TBC1D32: variants seen among roughly 807,000 people sequenced by gnomAD.
TBC1D32 encodes the protein TBC1 domain family member 32.
A neutral mutation model predicts 170.3 loss-of-function variants in TBC1D32; 151 were observed. The ratio of observed to expected loss-of-function variants is 0.89; its 90% CI spans 0.78 to 1.01. The LOEUF (loss-of-function observed/expected upper bound fraction) is 1.01. Among genes scored for constraint, TBC1D32 ranks in the 50% least tolerant of loss-of-function variants. The pLI is 0.00. For synonymous variants in TBC1D32, 498 were observed against 488.0 expected, an observed-to-expected ratio of 1.02 and a Z score of -0.27; for missense variants, 1,464 against 1,457.1, an observed-to-expected ratio of 1.00 and a Z score of -0.08.
chr6:121,176,256 C>G (rs571084102), intron 22 of TBC1D32, among the ~76,000 whole-genome samples: 1 of 152,026 alleles, frequency 6.6e-6, no homozygotes, highest in African/African-American at 2.4e-5. Flanking sequence ...TTAGGAAAGA[C>G]CTAAAAGTAG....
At chr6:121,273,223 C>T (rs959846331) in intron 15 of TBC1D32, among the ~76,000 whole-genome samples, 23 of 150,806 alleles carry the variant, frequency 1.5e-4, no homozygotes, top group African/African-American at 4.6e-4. Context: ...CAAACTTGCA[C>T]GTTCTGCACA....
At chr6:121,152,237 T>G (rs773566389) in intron 24 of TBC1D32, among the ~76,000 whole-genome samples, 1 of 152,182 alleles carries the variant, frequency 6.6e-6, no homozygotes, top group Non-Finnish European at 1.5e-5. Context: ...CTGTAAAGGA[T>G]TTTATTCTTT....
intron 22 of TBC1D32, among the ~76,000 whole-genome samples, chr6:121,188,374 AAG>A (rs1357487158): frequency 1.3e-5 from 2 of 152,168 alleles, no homozygotes; most frequent in Non-Finnish European, 2.9e-5. Context: ...TTTTAGGAAA[AAG>A]GATACATAGT....
rs751967566 is a variant in TBC1D32, at chr6:121,170,463, A to C, written c.2571-9407T>G. 3.1e-6 allele frequency: 5 copies of C among 1,608,446 alleles called. No individual in the cohort carries two copies. In the South Asian group the frequency reaches 5.5e-5, roughly 18 times the overall value. Reference sequence around the variant, plus strand: ...TCTTGAGCATTTAGTAACATTTCAGATACCTGATACTGAGCCTCTAACAGG... The same window carrying C: ...TCTTGAGCATTTAGTAACATTTCAGCTACCTGATACTGAGCCTCTAACAGG... On this transcript the variant is annotated intron_variant, in intron 22 of 31. Transcript: ENST00000398212.
At chr6:121,245,711 C>T (rs185814820) in intron 17 of TBC1D32, among the ~76,000 whole-genome samples, 1 of 152,168 alleles carries the variant, frequency 6.6e-6, no homozygotes, top group African/African-American at 2.4e-5. Context: ...GTGACTTCAG[C>T]CCCACGGGAG....
intron 15 of TBC1D32, among the ~76,000 whole-genome samples, chr6:121,276,938 T>C (rs144677820): frequency 6.6e-6 from 1 of 152,126 alleles, no homozygotes; most frequent in East Asian, 1.9e-4. Context: ...CAGGGAGAAA[T>C]AGATGAATTC....
chr6:121,328,901 T>G (rs1012017437), intron 1 of TBC1D32, among the ~76,000 whole-genome samples: 6 of 152,198 alleles, frequency 3.9e-5, no homozygotes, highest in Admixed American at 2.6e-4. Context: ...AAAATAAAAA[T>G]TTGGTACCAA....
chr6:121,280,779 A>G (rs192587513), intron 14 of TBC1D32, among the ~76,000 whole-genome samples: 1 of 151,988 alleles, frequency 6.6e-6, no homozygotes, highest in Admixed American at 6.6e-5. Context: ...AGCAAGCAAC[A>G]AGCAGAAAAG....
intron 17 of TBC1D32, among the ~76,000 whole-genome samples, chr6:121,249,924 A>G (rs1798078236): frequency 6.6e-6 from 1 of 152,040 alleles, no homozygotes; most frequent in South Asian, 2.1e-4. Flanking sequence ...CAATCCACAG[A>G]TTCAATGCAA....
intron 22 of TBC1D32, among the ~76,000 whole-genome samples, chr6:121,171,918 A>G (rs751420632): frequency 4.6e-5 from 7 of 152,128 alleles, no homozygotes; most frequent in Non-Finnish European, 7.4e-5. Context: ...ATCTTCCAGT[A>G]ACACTGGAAG....
chr6:121,112,588 T>C lies in TBC1D32; in HGVS notation c.3241A>G (p.Lys1081Glu). 1 of 1,611,434 alleles carries C rather than the reference T, an allele frequency of 6.2e-7. No homozygotes were observed. The highest frequency in any genetic ancestry group is 8.5e-7 in the Non-Finnish European group (1 of 1,178,378). ...TGAAGAAATTGGAATGTTTTTTCTT[T>C]GTCTCCCAACATTATCATGAACAGA... The part of the protein sequence containing the change: ...SSLFMIMLGD[K>E]EKTFQFLHQF... The change falls in exon 29 of 32, where the codon AAA becomes GAA. Residue 1081 changes from lysine to glutamate, a missense_variant. Physicochemically the swap from Lys to Glu is moderately conservative, Grantham distance 56 (BLOSUM62 1). Coordinates refer to ENST00000398212, the MANE Select transcript of TBC1D32 (RefSeq NM_152730.6).
chr6:121,080,967 G>C (rs893073102), intron 31 of TBC1D32, 77 bp from the exon 32 acceptor site: 16 of 1,526,878 alleles, frequency 1.0e-5, no homozygotes, highest in Non-Finnish European at 1.4e-5. Flanking sequence ...TTAAATAATT[G>C]ATATACCATT....
chr6:121,081,558 G>A (rs1296315444), intron 31 of TBC1D32, among the ~76,000 whole-genome samples: 1 of 152,012 alleles, frequency 6.6e-6, no homozygotes, highest in Non-Finnish European at 1.5e-5. Flanking sequence ...TATTTATAAT[G>A]TTAGGAGTTG....
intron 22 of TBC1D32, among the ~76,000 whole-genome samples, chr6:121,182,345 A>G (rs542207541): frequency 6.6e-6 from 1 of 152,132 alleles, no homozygotes; most frequent in African/African-American, 2.4e-5. Context: ...AGGGTAGGTA[A>G]TGAGAAAAAG....
chr6:121,261,842 A>C (rs2128406866), intron 15 of TBC1D32, among the ~76,000 whole-genome samples: 1 of 152,318 alleles, frequency 6.6e-6, no homozygotes, highest in Admixed American at 6.5e-5. Context: ...AATGAGGTAA[A>C]GGAGCATGTT....
chr6:121,200,952 A>C (rs1791467847), intron 22 of TBC1D32, among the ~76,000 whole-genome samples: 2 of 151,502 alleles, frequency 1.3e-5, no homozygotes, highest in African/African-American at 2.5e-5. Context: ...CAGGAAAGGT[A>C]GAGATACATT....
chr6:121,267,127 T>TA (rs10695424), intron 15 of TBC1D32, among the ~76,000 whole-genome samples: 14,484 of 126,104 alleles, frequency 0.11, 1,821 homozygotes, highest in African/African-American at 0.32. Context: ...TGTGCTCTTC[T>TA]AAAAAAAAAA....
intron 22 of TBC1D32, among the ~76,000 whole-genome samples, chr6:121,183,936 C>T (rs1022103316): frequency 6.6e-6 from 1 of 152,102 alleles, no homozygotes; most frequent in Admixed American, 6.6e-5. Context: ...ACAAACTTCC[C>T]ATATACACCA....
At chr6:121,138,008 T>C (rs568530414) in intron 24 of TBC1D32, among the ~76,000 whole-genome samples, 45 of 152,260 alleles carry the variant, frequency 3.0e-4, no homozygotes, top group African/African-American at 9.9e-4. Flanking sequence ...TCCTGAAGTT[T>C]ATTTTTGTGT....
Sources: gnomAD v4.1 joint callset for allele counts (sites outside exome capture counted in the v4.1 genomes callset) on GRCh38, gnomAD v4.1.1 for gene constraint, MANE v1.5 for transcripts, NCBI Gene and HGNC (gene_info 2026-07-23, HGNC 2026-07-21) for gene names.